HEY2: variants seen among roughly 807,000 people sequenced by gnomAD.
The protein encoded by HEY2 is hairy/enhancer-of-split related with YRPW motif protein 2.
HEY2 carries 10 observed loss-of-function variants against 18.1 expected under a neutral mutation model. The observed-to-expected ratio is 0.55, with a 90% CI of 0.34 to 0.94. HEY2 has a LOEUF of 0.94. Among genes scored for constraint, HEY2 ranks in the 40% least tolerant of loss-of-function variants. The pLI, the probability that HEY2 is intolerant of heterozygous loss-of-function variation, is 0.02. For missense variants in HEY2, 455 were observed against 455.9 expected (o/e 1.00, Z 0.02); for synonymous variants, 210 against 182.7 (o/e 1.15, Z -1.21).
Position 125,759,269 on chromosome 6 carries a change from G to A in HEY2, c.481G>A (p.Ala161Thr). ...VRLVSHLSTC[A>T]TQREAAAMTS... is the part of the protein sequence containing the mutation. ...GCTTGTGTCTCATCTCAGCACTTGC[G>A]CCACCCAGCGGGAGGCGGCGGCCAT... Residue 161 changes from alanine to threonine, a missense_variant, in exon 5 of 5, where the codon GCC becomes ACC. Coordinates refer to ENST00000368364, the MANE Select transcript of HEY2 (RefSeq NM_012259.3). The A allele has an allele frequency of 6.2e-7, 1 of 1,607,576 alleles. No individual in the cohort carries two copies. Among genetic ancestry groups the A allele is most frequent in the Non-Finnish European group, 8.5e-7 (1 of 1,179,964 alleles).
At chr6:125,754,728 A>G (rs986174425) in intron 4 of HEY2, among the ~76,000 whole-genome samples, 182 bp downstream of exon 4, 1 of 152,194 alleles carries the variant, frequency 6.6e-6, no homozygotes, top group Non-Finnish European at 1.5e-5. Flanking sequence ...GTGGGAAAGA[A>G]CTTTTGGAAC....
rs1403086177 is a variant in HEY2 at position 125,759,411 on chromosome 6, C to A, written c.623C>A (p.Thr208Asn). The A allele has an allele frequency of 6.2e-7, 1 of 1,611,188 alleles. No homozygotes were observed. Among genetic ancestry groups the A allele is most frequent in the Non-Finnish European group, 8.5e-7 (1 of 1,179,616 alleles). The change falls in exon 5 of 5, where the codon ACC (threonine) becomes AAC (asparagine). Residue 208 changes from threonine (T) to asparagine (N), a missense_variant. Thr to Asn is a moderately conservative substitution (Grantham distance 65). Coordinates refer to ENST00000368364, the MANE Select transcript of HEY2 (RefSeq NM_012259.3). ...QPNGLHASES[T>N]PCRLSTTSEV... is the part of the protein sequence containing the mutation. ...AACGGCCTCCATGCCTCAGAGTCAA[C>A]CCCTTGTCGCCTCTCCACAACTTCA...
chr6:125,759,805 T>A lies in HEY2; in HGVS notation c.*3T>A. Reference sequence around the variant, plus strand: ...GGACAGAAGTTGGAGCTTTTTAAATTTTTCTTGAACTTCTTGCAATAGTAA... The same window carrying A: ...GGACAGAAGTTGGAGCTTTTTAAATATTTCTTGAACTTCTTGCAATAGTAA... On this transcript the variant is annotated 3_prime_UTR_variant, in exon 5 of 5. Transcript: ENST00000368364. 1 of 1,612,664 alleles carries A rather than the reference T, an allele frequency of 6.2e-7. No homozygotes were observed. Among genetic ancestry groups the A allele is most frequent in the Admixed American group, 1.7e-5 (1 of 59,842 alleles).
In HEY2 at chr6:125,759,334, G is replaced by A; in HGVS notation, c.546G>A (p.Pro182=). 5 of 1,603,762 alleles carry A rather than the reference G, an allele frequency of 3.1e-6. No individual in the cohort carries two copies. The highest frequency in any genetic ancestry group is 4.2e-6 in the Non-Finnish European group (5 of 1,177,480). Residue 182 remains proline (P), a synonymous_variant, in exon 5 of 5, where the codon CCG becomes CCA. Transcript: ENST00000368364. ...SMAHHHHPLH[P]HHWAAAFHHL... is the part of the protein sequence containing the mutation. ...CCCACCACCATCATCCGCTCCACCC[G>A]CATCACTGGGCCGCCGCCTTCCACC...
At chr6:125,750,473 CT>C in intron 1 of HEY2, 1 of 889,418 alleles carries the variant, frequency 1.1e-6, no homozygotes, top group Non-Finnish European at 1.3e-6. Flanking sequence ...CAGACCTCCA[CT>C]TTCCTGTGAC....
rs1166161450 is a variant in HEY2 at position 125,754,466 on chromosome 6, G to T, written c.248G>T (p.Gly83Val). Residue 83 changes from glycine (G) to valine (V), a missense_variant and splice_region_variant, in exon 4 of 5, where the codon GGA (glycine) becomes GTA (valine). Physicochemically the swap from Gly to Val is moderately radical, Grantham distance 109 (BLOSUM62 -3). Coordinates refer to ENST00000368364, the MANE Select transcript of HEY2 (RefSeq NM_012259.3). The stretch of plus-strand genomic sequence containing the variant: ...TTATTTATTTATTTATTTATGAAGG[G>T]ATCTGCAAAGTTAGAAAAAGCTGAA... ...RLVPTAFEKQ[G>V]SAKLEKAEIL... 9 of 1,547,496 alleles carry T rather than the reference G, an allele frequency of 5.8e-6. No homozygotes were observed. The highest frequency in any genetic ancestry group is 1.7e-5 in the Admixed American group (1 of 57,236).
intron 4 of HEY2, among the ~76,000 whole-genome samples, chr6:125,758,380 G>A (rs936927479): frequency 3.9e-5 from 6 of 152,136 alleles, no homozygotes; most frequent in African/African-American, 1.4e-4. Context: ...TTGAACTTCA[G>A]ATAAACTAGG....
At chr6:125,750,989 A>C (rs1583187286) in intron 1 of HEY2, among the ~76,000 whole-genome samples, 1 of 152,254 alleles carries the variant, frequency 6.6e-6, no homozygotes, top group African/African-American at 2.4e-5. Context: ...GATACAAACT[A>C]GAAAGGATTG....
chr6:125,758,987 G>T lies in HEY2; in HGVS notation c.329-130G>T. 4 of 632,254 alleles carry T rather than the reference G, an allele frequency of 6.3e-6. No individual in the cohort carries two copies. In the South Asian group the frequency reaches 9.7e-5, roughly 15 times the overall value. 39.2% of individuals were successfully genotyped at this position (632,254 alleles called of 1,614,324 possible). A position where few individuals can be genotyped will look rare whatever the true frequency, so the allele number is the denominator to read the frequency against. ...GGCAATATTTCCAGAAAGGATTATC[G>T]TTCCACTTCAGTCTTCTGAAGGACA... On this transcript the variant is annotated intron_variant, in intron 4 of 4. Coordinates refer to ENST00000368364, the MANE Select transcript of HEY2 (RefSeq NM_012259.3).
At chr6:125,758,619 C>T (rs915539751) in intron 4 of HEY2, among the ~76,000 whole-genome samples, 4 of 152,224 alleles carry the variant, frequency 2.6e-5, no homozygotes, top group South Asian at 4.1e-4. Context: ...AGTCCTCAAG[C>T]TGCTAAGATG....
chr6:125,751,843 A>G lies in HEY2; in HGVS notation c.126A>G (p.Thr42=). 1 of 1,613,694 alleles carries G rather than the reference A, an allele frequency of 6.2e-7. No homozygotes were observed. The highest frequency in any genetic ancestry group is 8.5e-7 in the Non-Finnish European group (1 of 1,179,656). The change falls in exon 2 of 5, where the codon ACA becomes ACG. Residue 42 remains threonine, a synonymous_variant. Transcript: ENST00000368364. ...TGATTAGATTGAATTCTCCAACAAC[A>G]ACATCTCAGATTATGGCAAGAAAGA... ...SSVIRLNSPT[T]TSQIMARKKR...
At position 125,759,583 on chromosome 6, in the gene HEY2, C is replaced by T. The variant is rs1562713123; in HGVS notation, c.795C>T (p.His265=). The change falls in exon 5 of 5, where the codon CAC becomes CAT. Residue 265 remains histidine, a synonymous_variant. Coordinates refer to ENST00000368364, the MANE Select transcript of HEY2 (RefSeq NM_012259.3). ...TCTTGTCCCTCTCTGCCACCGTCCA[C>T]GCCGCAGCCGCAGCAGCCACCGCGG... is the stretch of plus-strand genomic sequence containing the variant. ...TSLLSLSATV[H]AAAAAATAAA... 7.5e-6 allele frequency: 12 copies of T among 1,610,488 alleles called. No homozygotes were observed. The highest frequency in any genetic ancestry group is 1.3e-5 in the African/African-American group (1 of 75,056).
intron 4 of HEY2, among the ~76,000 whole-genome samples, chr6:125,755,312 T>A (rs1266363409): frequency 6.6e-6 from 1 of 152,196 alleles, no homozygotes; most frequent in Non-Finnish European, 1.5e-5. Context: ...GATTTCATTA[T>A]CCCACTTACA....
At chr6:125,754,437 T>G (rs779503874) in intron 3 of HEY2, 28 bp from the exon 4 acceptor site, 3 of 1,219,078 alleles carry the variant, frequency 2.5e-6, no homozygotes, top group Non-Finnish European at 2.3e-6. Context: ...GGACATAGGA[T>G]TATTTATTTA....
At chr6:125,754,125 A>G (rs1332441775) in intron 3 of HEY2, among the ~76,000 whole-genome samples, 3 of 152,214 alleles carry the variant, frequency 2.0e-5, no homozygotes, top group African/African-American at 7.2e-5. Flanking sequence ...CATATTATTA[A>G]CCAAGACACA....
At chr6:125,753,579 G>A (rs956683299) in intron 3 of HEY2, among the ~76,000 whole-genome samples, 7 of 151,906 alleles carry the variant, frequency 4.6e-5, no homozygotes, top group Admixed American at 1.3e-4. Flanking sequence ...GAAAAAAAAA[G>A]AGAACATATT....
At position 125,759,595 on chromosome 6, in the gene HEY2, A is replaced by G. The variant is rs886075372; in HGVS notation, c.807A>G (p.Ala269=). ...CTGCCACCGTCCACGCCGCAGCCGC[A>G]GCAGCCACCGCGGCTGCACACAGCT... is the stretch of plus-strand genomic sequence containing the variant. ...SLSATVHAAA[A]AATAAAHSFP... is the part of the protein sequence containing the mutation. The change falls in exon 5 of 5, where the codon GCA becomes GCG. Residue 269 remains alanine, a synonymous_variant. Transcript: ENST00000368364. The G allele has an allele frequency of 7.5e-6, 12 of 1,610,380 alleles. No individual in the cohort carries two copies. The African/African-American group carries it at 9.3e-5, about 13-fold the overall frequency.
At chr6:125,759,044 C>A in intron 4 of HEY2, 73 bp from the exon 5 acceptor site, 1 of 1,136,110 alleles carries the variant, frequency 8.8e-7, no homozygotes, top group Non-Finnish European at 1.3e-6. Flanking sequence ...TTATTGTTGA[C>A]TATACCATTT....
intron 3 of HEY2, 139 bp downstream of exon 3, chr6:125,752,229 C>T: frequency 1.6e-6 from 1 of 607,802 alleles, no homozygotes; most frequent in Non-Finnish European, 2.9e-6. Context: ...GTGCCCTGAT[C>T]TGGCACAGAG....
Sources: allele counts gnomAD v4.1 joint callset (sites outside exome capture counted in the v4.1 genomes callset), GRCh38; gene constraint gnomAD v4.1.1; transcripts MANE v1.5; gene names NCBI Gene and HGNC (gene_info 2026-07-23, HGNC 2026-07-21).